The following DDHD1 variants were observed in gnomAD, a reference collection of about 807,000 sequenced individuals.
The protein encoded by DDHD1 is DDHD domain containing 1, also known as phospholipase DDHD1.
A neutral mutation model predicts 96.4 loss-of-function variants in DDHD1; 49 were observed. The observed-to-expected ratio is 0.51, with a 90% CI of 0.40 to 0.64. The LOEUF (loss-of-function observed/expected upper bound fraction) is 0.64. Among genes scored for constraint, DDHD1 ranks in the 30% least tolerant of loss-of-function variants. DDHD1 has a pLI of 0.00. For synonymous variants in DDHD1, 442 were observed against 446.5 expected (o/e 0.99, Z 0.13); for missense variants, 1,106 against 1,161.2 (o/e 0.95, Z 0.69).
In DDHD1 at chr14:53,058,361, C is replaced by G. The variant is rs1033310315; in HGVS notation, c.1992+116G>C. 7.6e-6 allele frequency: 9 copies of G among 1,178,840 alleles called. No homozygotes were observed. The African/African-American group carries it at 1.1e-4, about 14-fold the overall frequency. The allele number at this position is 1,178,840 out of a possible 1,614,324, so 73.0% of individuals were successfully genotyped here. ...AACTCCTGACCTCAGATGATGCGCC[C>G]GCCTCAGCCTCCCAAAGTGCTGGGA... On this transcript the variant is annotated intron_variant, in intron 9 of 12. Coordinates refer to ENST00000673822, the MANE Select transcript of DDHD1 (RefSeq NM_001160148.2).
chr14:53,067,614 C>T (rs1011544630), intron 6 of DDHD1, among the ~76,000 whole-genome samples: 7 of 152,062 alleles, frequency 4.6e-5, no homozygotes, highest in Non-Finnish European at 7.4e-5. Context: ...TGTGCCACCA[C>T]GCCCAGCTAA....
chr14:53,125,992 C>T (rs116593680), intron 1 of DDHD1, among the ~76,000 whole-genome samples: 1,541 of 152,054 alleles, frequency 0.01, 31 homozygotes, highest in African/African-American at 0.035. Flanking sequence ...TGAGCCACCG[C>T]GCCCAGCAAA....
At chr14:53,150,122 CAT>C (rs1048671570) in intron 1 of DDHD1, 1 of 152,396 alleles carries the variant, frequency 6.6e-6, no homozygotes, top group African/African-American at 2.4e-5. Flanking sequence ...AAACCCACCT[CAT>C]GTGTCACAGT....
At position 53,045,027 on chromosome 14, in the gene DDHD1, C is replaced by T. The variant is rs1002132686; in HGVS notation, c.*1741G>A. ...TGCAACAGGGATGGCTACTGATCCC[C>T]TCTAGGTAACTCCTCTTTTGTGTGA... On this transcript the variant is annotated 3_prime_UTR_variant, in exon 13 of 13. Coordinates refer to ENST00000673822, the MANE Select transcript of DDHD1 (RefSeq NM_001160148.2). 2 of 152,204 alleles carry T rather than the reference C, an allele frequency of 1.3e-5. No individual in the cohort carries two copies. Among genetic ancestry groups the T allele is most frequent in the Non-Finnish European group, 2.9e-5 (2 of 68,058 alleles). The allele number at this position is 152,204 out of a possible 1,614,324, so 9.4% of individuals were successfully genotyped here.
chr14:53,054,364 T>C (rs1190105797), intron 11 of DDHD1, 74 bp downstream of exon 11: 30 of 1,406,910 alleles, frequency 2.1e-5, no homozygotes, highest in Non-Finnish European at 6.8e-6. Flanking sequence ...AGTATTAATA[T>C]TTTATACCTC....
At position 53,043,401 on chromosome 14, in the gene DDHD1, G is replaced by GTGTA. The variant is rs1555328252; in HGVS notation, c.*3366_*3367insTACA. The GTGTA allele has an allele frequency of 6.7e-6, 1 of 148,400 alleles. No individual in the cohort carries two copies. The highest frequency in any genetic ancestry group is 2.5e-5 in the African/African-American group (1 of 40,732). The allele number at this position is 148,400 out of a possible 1,614,324, so 9.2% of individuals were successfully genotyped here. Reference sequence around the variant, plus strand: ...AGTTATTAGAACATCCAGTGTGTGTGTGTGTGTGTGTGTGTGTGTGTAAAT... The same window carrying GTGTA: ...AGTTATTAGAACATCCAGTGTGTGTGTGTATGTGTGTGTGTGTGTGTGTGTAAAT... On this transcript the variant is annotated 3_prime_UTR_variant, in exon 13 of 13. Transcript: ENST00000673822.
At chr14:53,051,517 T>C (rs1447569669) in intron 12 of DDHD1, among the ~76,000 whole-genome samples, 1 of 151,954 alleles carries the variant, frequency 6.6e-6, no homozygotes, top group Non-Finnish European at 1.5e-5. Context: ...ATGTATTAAA[T>C]GAAAAGAAAT....
At chr14:53,061,910 T>C (rs1205716528) in intron 7 of DDHD1, among the ~76,000 whole-genome samples, 1 of 151,924 alleles carries the variant, frequency 6.6e-6, no homozygotes, top group African/African-American at 2.4e-5. Flanking sequence ...AGCAGTTGCC[T>C]GTAATCCCAG....
intron 2 of DDHD1, among the ~76,000 whole-genome samples, chr14:53,095,304 C>T (rs1886797119): frequency 6.6e-6 from 1 of 152,086 alleles, no homozygotes; most frequent in Non-Finnish European, 1.5e-5. Context: ...TACAAAGAGA[C>T]AAACTGACCT....
intron 1 of DDHD1, among the ~76,000 whole-genome samples, chr14:53,131,022 A>C (rs139654522): frequency 6.6e-6 from 1 of 152,096 alleles, no homozygotes; most frequent in Non-Finnish European, 1.5e-5. Flanking sequence ...CCTTGTCTCC[A>C]TAACTGTTGT....
At chr14:53,118,445 A>T (rs1888716617) in intron 1 of DDHD1, among the ~76,000 whole-genome samples, 1 of 152,312 alleles carries the variant, frequency 6.6e-6, no homozygotes, top group Middle Eastern at 3.4e-3. Flanking sequence ...AACAAGAATA[A>T]ACAGTGTAAA....
At chr14:53,112,586 A>G (rs2139760980) in intron 1 of DDHD1, among the ~76,000 whole-genome samples, 1 of 152,306 alleles carries the variant, frequency 6.6e-6, no homozygotes, top group South Asian at 2.1e-4. Flanking sequence ...GATATTCAAC[A>G]CCTATATCTC....
chr14:53,114,493 C>A (rs1566578341), intron 1 of DDHD1, among the ~76,000 whole-genome samples: 3 of 152,210 alleles, frequency 2.0e-5, no homozygotes, highest in Admixed American at 2.0e-4. Context: ...GGAGCTCTGG[C>A]TGGCATCAGG....
chr14:53,148,142 G>A (rs1891120412), intron 1 of DDHD1, among the ~76,000 whole-genome samples: 1 of 152,132 alleles, frequency 6.6e-6, no homozygotes, highest in Non-Finnish European at 1.5e-5. Flanking sequence ...TATACCAGAA[G>A]GTGGTGGGTG....
intron 6 of DDHD1, among the ~76,000 whole-genome samples, chr14:53,065,848 A>G (rs898020956): frequency 6.6e-6 from 1 of 152,204 alleles, no homozygotes; most frequent in Non-Finnish European, 1.5e-5. Flanking sequence ...AGTTCATTAC[A>G]GTCAACAAAC....
chr14:53,139,090 A>ACCACAC (rs1285637729), intron 1 of DDHD1, among the ~76,000 whole-genome samples: 2 of 142,068 alleles, frequency 1.4e-5, no homozygotes, highest in Non-Finnish European at 3.1e-5. Flanking sequence ...AAAAAAAAAA[A>ACCACAC]CCACACCCAC....
intron 4 of DDHD1, among the ~76,000 whole-genome samples, chr14:53,077,606 C>T (rs1228770646): frequency 1.3e-5 from 2 of 150,176 alleles, no homozygotes; most frequent in Non-Finnish European, 3.0e-5. Context: ...TTCAAATTGT[C>T]TATTTTAGGT....
chr14:53,087,545 C>T (rs1292451853), intron 4 of DDHD1, among the ~76,000 whole-genome samples: 2 of 152,162 alleles, frequency 1.3e-5, no homozygotes, highest in Non-Finnish European at 2.9e-5. Flanking sequence ...ACTGAACAAC[C>T]TGCTCCTGAA....
chr14:53,071,512 G>T (rs1595120821), intron 6 of DDHD1, among the ~76,000 whole-genome samples: 2 of 152,108 alleles, frequency 1.3e-5, no homozygotes, highest in African/African-American at 4.8e-5. Context: ...CTTATACGTA[G>T]TAAGTTCTCA....
Sources: gnomAD v4.1 joint callset for allele counts (sites outside exome capture counted in the v4.1 genomes callset) on GRCh38, gnomAD v4.1.1 for gene constraint, MANE v1.5 for transcripts, NCBI Gene and HGNC (gene_info 2026-07-23, HGNC 2026-07-21) for gene names.